Variants in DSCAM observed in about 807,000 individuals in gnomAD.
The protein encoded by DSCAM is DS cell adhesion molecule.
A neutral mutation model predicts 217.7 loss-of-function variants in DSCAM; 47 were observed. The ratio of observed to expected loss-of-function variants is 0.22; its 90% confidence interval spans 0.17 to 0.28. DSCAM has a LOEUF of 0.28. Among genes scored for constraint, DSCAM ranks in the 10% least tolerant of loss-of-function variants. DSCAM has a pLI of 1.00. For synonymous variants in DSCAM, 1,056 were observed against 1,015.3 expected, an observed-to-expected ratio of 1.04 and a Z score of -0.76; for missense variants, 2,080 against 2,618.3, an observed-to-expected ratio of 0.79 and a Z score of 4.49.
intron 1 of DSCAM, among the ~76,000 whole-genome samples, chr21:40,750,536 C>A (rs2091217588): frequency 6.6e-6 from 1 of 152,062 alleles, no homozygotes; most frequent in African/African-American, 2.4e-5. Context: ...TTGATCTCAC[C>A]CGTTCTGAAG....
chr21:40,309,607 C>T (rs2074116288), intron 9 of DSCAM, among the ~76,000 whole-genome samples: 1 of 152,128 alleles, frequency 6.6e-6, no homozygotes, highest in Admixed American at 6.6e-5. Flanking sequence ...TACCGTTCTT[C>T]CTCATTTCTT....
rs977737393 is a variant in DSCAM at position 40,028,126 on chromosome 21, G to A, written c.5686+14245C>T. ...GGTCTGTTGGAGTACCCTGCCCTGT[G>A]AGGTGTCAGTCTGCCCCTGCTGGGG... On this transcript the variant is annotated intron_variant, in intron 32 of 32. Coordinates refer to ENST00000400454, the MANE Select transcript of DSCAM (RefSeq NM_001389.5). Among the ~76,000 whole-genome samples, 4 of 83,178 alleles carry A rather than the reference G, an allele frequency of 4.8e-5. 1 individual carries two copies. The highest frequency in any genetic ancestry group is 1.9e-4 in the African/African-American group (4 of 20,584). The allele number at this position is 83,178 out of a possible 152,430, so 54.6% of individuals were successfully genotyped here. A position where few individuals can be genotyped will look rare whatever the true frequency, so the allele number is the denominator to read the frequency against.
intron 3 of DSCAM, among the ~76,000 whole-genome samples, chr21:40,647,878 T>C (rs1334323053): frequency 6.6e-6 from 1 of 152,182 alleles, no homozygotes; most frequent in African/African-American, 2.4e-5. Flanking sequence ...AATGTCCAGA[T>C]GCTGGGAATG....
At chr21:40,257,761 T>G (rs1056938645) in intron 11 of DSCAM, among the ~76,000 whole-genome samples, 2 of 152,184 alleles carry the variant, frequency 1.3e-5, no homozygotes, top group Non-Finnish European at 2.9e-5. Flanking sequence ...TTAATGCTCA[T>G]GCACTTACCC....
intron 6 of DSCAM, among the ~76,000 whole-genome samples, chr21:40,343,341 G>A (rs1475409898): frequency 3.3e-5 from 5 of 152,162 alleles, no homozygotes; most frequent in Admixed American, 6.5e-5. Context: ...AGTGGTGGAT[G>A]TGGGCATCCT....
intron 3 of DSCAM, among the ~76,000 whole-genome samples, chr21:40,464,360 A>G (rs1490237365): frequency 6.6e-6 from 1 of 152,214 alleles, no homozygotes; most frequent in African/African-American, 2.4e-5. Flanking sequence ...GCATGTTAGA[A>G]AGTGATGAGT....
chr21:40,622,652 T>C (rs1450529545), intron 3 of DSCAM, among the ~76,000 whole-genome samples: 1 of 152,158 alleles, frequency 6.6e-6, no homozygotes, highest in Non-Finnish European at 1.5e-5. Flanking sequence ...CCTGCCCGAA[T>C]ACCAGCACGA....
chr21:40,206,762 ATAAC>A (rs2091131456), intron 11 of DSCAM, among the ~76,000 whole-genome samples: 6 of 151,486 alleles, frequency 4.0e-5, no homozygotes. Flanking sequence ...AAAATAATAA[ATAAC>A]TGAGCATGGT....
chr21:40,374,090 A>G (rs1468839793), intron 3 of DSCAM, among the ~76,000 whole-genome samples: 1 of 152,216 alleles, frequency 6.6e-6, no homozygotes, highest in Non-Finnish European at 1.5e-5. Context: ...GGTGGTAGAT[A>G]TGTTCATCAT....
intron 1 of DSCAM, among the ~76,000 whole-genome samples, chr21:40,739,192 C>T (rs1378492514): frequency 6.6e-6 from 1 of 152,132 alleles, no homozygotes; most frequent in Non-Finnish European, 1.5e-5. Context: ...CAAGGACAAC[C>T]AAACCTAGAC....
Position 40,661,009 on chromosome 21 carries a change from G to C in DSCAM, c.508+31801C>G, listed in dbSNP as rs555549227. Reference sequence around the variant, plus strand: ...TTAGTTTGAGCCCAAGCAAGGGCCTGTTTTGGACTCTGATTACATTTGAAC... The same window carrying C: ...TTAGTTTGAGCCCAAGCAAGGGCCTCTTTTGGACTCTGATTACATTTGAAC... On this transcript the variant is annotated intron_variant, in intron 3 of 32. Coordinates refer to ENST00000400454, the MANE Select transcript of DSCAM (RefSeq NM_001389.5). Among the ~76,000 whole-genome samples, 114 of 152,150 alleles carry C rather than the reference G, an allele frequency of 7.5e-4. 1 individual carries two copies. Among genetic ancestry groups the C allele is most frequent in the Non-Finnish European group, 1.1e-3 (72 of 68,028 alleles).
At chr21:40,459,742 T>C (rs904450907) in intron 3 of DSCAM, among the ~76,000 whole-genome samples, 10 of 152,180 alleles carry the variant, frequency 6.6e-5, no homozygotes, top group African/African-American at 2.4e-4. Context: ...AGATATTTTT[T>C]TCTCCAGCAA....
rs182882888 is a variant in DSCAM at position 40,777,562 on chromosome 21, A to C, written c.44-68791T>G. Among the ~76,000 whole-genome samples the C allele has an allele frequency of 1.1e-3, 162 of 152,262 alleles. 2 individuals are homozygous for C. Among genetic ancestry groups the C allele is most frequent in the Middle Eastern group, 3.4e-3 (1 of 294 alleles). Reference sequence around the variant, plus strand: ...TCAGAAAACGGGAGAAAACGAAAATAATCATCATCATCATCATTAAGAATT... The same window carrying C: ...TCAGAAAACGGGAGAAAACGAAAATCATCATCATCATCATCATTAAGAATT... On this transcript the variant is annotated intron_variant, in intron 1 of 32. Coordinates refer to ENST00000400454, the MANE Select transcript of DSCAM (RefSeq NM_001389.5).
chr21:40,530,595 T>C (rs2076435797), intron 3 of DSCAM, among the ~76,000 whole-genome samples: 1 of 152,218 alleles, frequency 6.6e-6, no homozygotes, highest in South Asian at 2.1e-4. Context: ...TATTTGACAT[T>C]AAAATGCTCT....
chr21:40,375,543 G>A (rs1047442203), intron 3 of DSCAM, among the ~76,000 whole-genome samples: 1 of 152,166 alleles, frequency 6.6e-6, no homozygotes, highest in Non-Finnish European at 1.5e-5. Context: ...CAAATTTCCA[G>A]CAAAGTCACA....
At chr21:40,124,402 C>G in intron 19 of DSCAM, 74 bp from the exon 20 acceptor site, 1 of 1,577,242 alleles carries the variant, frequency 6.3e-7, no homozygotes, top group South Asian at 1.1e-5. Context: ...CCCAACATGA[C>G]CCCACTCCGC....
chr21:40,168,470 G>A (rs78719181), intron 15 of DSCAM, among the ~76,000 whole-genome samples: 28,425 of 152,226 alleles, frequency 0.19, 2,811 homozygotes, highest in East Asian at 0.22. Context: ...TGTCTTCTGA[G>A]AAGCAGAAGC....
At chr21:40,138,923 G>T (rs1019992739) in intron 18 of DSCAM, among the ~76,000 whole-genome samples, 2 of 146,760 alleles carry the variant, frequency 1.4e-5, no homozygotes, top group African/African-American at 5.1e-5. Flanking sequence ...GTGTATGTGT[G>T]GTGTGGTACA....
At chr21:40,692,719 G>T in intron 3 of DSCAM, 91 bp downstream of exon 3, 1 of 1,424,990 alleles carries the variant, frequency 7.0e-7, no homozygotes, top group South Asian at 1.4e-5. Flanking sequence ...GAATTATGAT[G>T]AACACATAAA....
Sources: allele counts gnomAD v4.1 joint callset (sites outside exome capture counted in the v4.1 genomes callset), GRCh38; gene constraint gnomAD v4.1.1; transcripts MANE v1.5; gene names NCBI Gene and HGNC (gene_info 2026-07-23, HGNC 2026-07-21).